NFYC: variants seen among roughly 807,000 people sequenced by gnomAD.
NFYC encodes the protein nuclear transcription factor Y subunit gamma.
Under a neutral mutation model 53.1 loss-of-function variants are expected in NFYC, and 25 were observed. The ratio of observed to expected loss-of-function variants is 0.47; its 90% CI spans 0.34 to 0.66. The LOEUF (loss-of-function observed/expected upper bound fraction) is 0.66, where lower values mean the gene tolerates loss of function less well. NFYC is among the 30% of genes least tolerant of loss of function. The pLI is 0.01. For missense variants in NFYC, 260 were observed against 422.7 expected (o/e 0.62, Z 3.38); for synonymous variants, 145 against 152.6 (o/e 0.95, Z 0.37).
intron 2 of NFYC, among the ~76,000 whole-genome samples, chr1:40,739,157 A>G (rs1645209077): frequency 6.6e-6 from 1 of 152,192 alleles, no homozygotes; most frequent in South Asian, 2.1e-4. Context: ...GTGTTCTTCC[A>G]TAGGCGTGTG....
intron 1 of NFYC, among the ~76,000 whole-genome samples, chr1:40,738,168 C>T (rs948293079): frequency 1.3e-5 from 2 of 151,990 alleles, no homozygotes; most frequent in Admixed American, 6.5e-5. Flanking sequence ...TCCCAAAGTG[C>T]TGGGATTACA....
chr1:40,692,023 C>T (rs1044808172), intron 1 of NFYC, 156 bp downstream of exon 1: 6 of 209,334 alleles, frequency 2.9e-5, no homozygotes, highest in South Asian at 1.2e-4. Context: ...GTGCTCTTGC[C>T]TGGCCCGCTG....
At chr1:40,762,584 G>A (rs914240154) in intron 6 of NFYC, among the ~76,000 whole-genome samples, 4 of 152,178 alleles carry the variant, frequency 2.6e-5, no homozygotes, top group African/African-American at 9.7e-5. Flanking sequence ...TAGTGTATGT[G>A]CCTTATCACT....
intron 3 of NFYC, among the ~76,000 whole-genome samples, chr1:40,748,728 CTT>C (rs1486446870): frequency 6.6e-6 from 1 of 152,182 alleles, no homozygotes; most frequent in Admixed American, 6.5e-5. Context: ...AATTAATAGT[CTT>C]TTGTATTTTC....
chr1:40,730,563 G>A, intron 1 of NFYC: 1 of 985,346 alleles, frequency 1.0e-6, no homozygotes, highest in Non-Finnish European at 1.2e-6. Context: ...TCATGACAGA[G>A]GAAGATATGA....
intron 5 of NFYC, among the ~76,000 whole-genome samples, chr1:40,753,861 G>C (rs939696858): frequency 3.3e-5 from 5 of 152,118 alleles, no homozygotes; most frequent in African/African-American, 1.2e-4. Context: ...GAGCTGTTTT[G>C]CAAGCAATCA....
At chr1:40,736,072 C>G (rs1231343152) in intron 1 of NFYC, among the ~76,000 whole-genome samples, 3 of 152,122 alleles carry the variant, frequency 2.0e-5, no homozygotes, top group Non-Finnish European at 4.4e-5. Flanking sequence ...CCCTTTAACT[C>G]CCTTCAGAAA....
intron 2 of NFYC, among the ~76,000 whole-genome samples, chr1:40,744,194 A>G (rs1645493385): frequency 6.6e-6 from 1 of 152,162 alleles, no homozygotes; most frequent in Non-Finnish European, 1.5e-5. Context: ...TGAACTGCGC[A>G]TGTGAGGGAT....
chr1:40,727,606 C>G (rs1570463407), intron 1 of NFYC, among the ~76,000 whole-genome samples: 1 of 150,794 alleles, frequency 6.6e-6, no homozygotes, highest in Admixed American at 6.7e-5. Flanking sequence ...TTTCGGCTCA[C>G]TGCAACCTCC....
At chr1:40,711,606 G>GAA (rs1349587848) in intron 1 of NFYC, among the ~76,000 whole-genome samples, 1 of 152,126 alleles carries the variant, frequency 6.6e-6, no homozygotes, top group African/African-American at 2.4e-5. Context: ...CCACTACCTG[G>GAA]AAAAATGCAC....
chr1:40,754,491 G>C, intron 5 of NFYC: 1 of 518,778 alleles, frequency 1.9e-6, no homozygotes, highest in South Asian at 1.4e-5. Context: ...TTGCAGGTTT[G>C]TGCCCACAGG....
Position 40,770,864 on chromosome 1 carries a change from A to G in NFYC, c.*36A>G. On this transcript the variant is annotated 3_prime_UTR_variant, in exon 10 of 10. Transcript: ENST00000447388. The surrounding 1 kb of genome is among the most constrained non-coding windows in gnomAD (Gnocchi z 5.3). ...TGGCAAGGCCAAGGACACCCAACAC[A>G]ATTTTTGCCATACAGCCCCAGGCAA... The G allele has an allele frequency of 6.3e-7, 1 of 1,599,260 alleles. No individual in the cohort carries two copies. The highest frequency in any genetic ancestry group is 8.5e-7 in the Non-Finnish European group (1 of 1,177,754).
At chr1:40,705,306 C>G (rs1420042232) in intron 1 of NFYC, among the ~76,000 whole-genome samples, 3 of 147,932 alleles carry the variant, frequency 2.0e-5, no homozygotes, top group Non-Finnish European at 4.5e-5. Context: ...CCCCACCCTT[C>G]ACATGAGCTG....
At chr1:40,757,339 C>G (rs1244125498) in intron 5 of NFYC, 1 of 534,234 alleles carries the variant, frequency 1.9e-6, no homozygotes, top group Non-Finnish European at 3.8e-6. Context: ...CTCAAGGTGG[C>G]TGGGAGAGGG....
intron 4 of NFYC, among the ~76,000 whole-genome samples, 199 bp from the exon 5 acceptor site, chr1:40,752,952 C>CT (rs1433110339): frequency 2.6e-5 from 4 of 151,970 alleles, no homozygotes; most frequent in African/African-American, 9.7e-5. Flanking sequence ...ACATGTATCT[C>CT]TTTCTTTTTT....
chr1:40,741,605 T>C (rs1645345858), intron 2 of NFYC, among the ~76,000 whole-genome samples: 1 of 151,856 alleles, frequency 6.6e-6, no homozygotes. Flanking sequence ...TTTTTCTTTT[T>C]TTTTTTTCCT....
intron 1 of NFYC, among the ~76,000 whole-genome samples, chr1:40,710,260 T>C (rs536022542): frequency 1.1e-4 from 16 of 152,380 alleles, no homozygotes; most frequent in African/African-American, 3.4e-4. Flanking sequence ...GAGCAAATAT[T>C]TTTCCACAGA....
intron 1 of NFYC, among the ~76,000 whole-genome samples, chr1:40,702,445 C>T (rs1250781285): frequency 2.7e-5 from 4 of 150,596 alleles, no homozygotes; most frequent in Non-Finnish European, 5.9e-5. Flanking sequence ...CAGGTTTAAG[C>T]GATTCTCCTG....
chr1:40,697,113 T>C lies in NFYC; in HGVS notation c.-9+5246T>C, dbSNP rs187691888. On this transcript the variant is annotated intron_variant, in intron 1 of 9. Coordinates refer to ENST00000447388, the MANE Select transcript of NFYC (RefSeq NM_014223.5). ...CAGGTTCTTAACTTGTTTCTTCTTC[T>C]GTAAAATAACGACAATAATACCTAC... Among the ~76,000 whole-genome samples, 288 of 152,368 alleles carry C rather than the reference T, an allele frequency of 1.9e-3. 1 individual carries two copies. The highest frequency in any genetic ancestry group is 2.9e-3 in the Non-Finnish European group (196 of 68,032).
Sources: gnomAD v4.1 joint callset for allele counts (sites outside exome capture counted in the v4.1 genomes callset) on GRCh38, gnomAD v4.1.1 for gene constraint, Gnocchi (gnomAD v3.1) non-coding constraint, MANE v1.5 for transcripts, NCBI Gene and HGNC (gene_info 2026-07-23, HGNC 2026-07-21) for gene names.